AK7: variants seen among roughly 807,000 people sequenced by gnomAD.
AK7 encodes adenylate kinase 7.
AK7 carries 78 observed loss-of-function variants against 96.6 expected under a neutral mutation model. The ratio of observed to expected loss-of-function variants is 0.81; its 90% CI spans 0.67 to 0.97. The LOEUF (loss-of-function observed/expected upper bound fraction) is 0.97, where lower values mean the gene tolerates loss of function less well. Ranked by LOEUF, AK7 falls within the 50% of genes least tolerant of loss-of-function variation. The pLI is 0.00. For missense variants in AK7, 855 were observed against 887.9 expected (o/e 0.96, Z 0.47); for synonymous variants, 302 against 317.2 (o/e 0.95, Z 0.51).
intron 6 of AK7, among the ~76,000 whole-genome samples, chr14:96,441,821 T>C (rs1198447147): frequency 2.0e-5 from 3 of 152,004 alleles, no homozygotes; most frequent in African/African-American, 4.8e-5. Flanking sequence ...GCCTCCTCAA[T>C]GTCTCCCTTC....
chr14:96,403,078 T>C (rs966495840), intron 2 of AK7, among the ~76,000 whole-genome samples: 1 of 151,382 alleles, frequency 6.6e-6, no homozygotes, highest in Non-Finnish European at 1.5e-5. Flanking sequence ...ATTGTGCCAC[T>C]GCACTCCAGC....
At chr14:96,414,476 A>C (rs1366980341) in intron 4 of AK7, among the ~76,000 whole-genome samples, 1 of 152,236 alleles carries the variant, frequency 6.6e-6, no homozygotes, top group Non-Finnish European at 1.5e-5. Flanking sequence ...GAGAGACTTC[A>C]AGGAAGACAC....
chr14:96,395,337 A>G (rs1451707534), intron 1 of AK7, among the ~76,000 whole-genome samples: 3 of 152,244 alleles, frequency 2.0e-5, no homozygotes, highest in African/African-American at 4.8e-5. Flanking sequence ...TTTACTATTC[A>G]TTAAACAGAA....
At chr14:96,442,929 G>A (rs1160844630) in intron 7 of AK7, 111 bp downstream of exon 7, 9 of 970,610 alleles carry the variant, frequency 9.3e-6, no homozygotes, top group Admixed American at 2.0e-5. Context: ...ATGGATTATT[G>A]TGTTCATTCT....
At position 96,437,847 on chromosome 14, in the gene AK7, G is replaced by A; in HGVS notation, c.622G>A (p.Ala208Thr). ...TTTTATCTAATAGGCCAGAAAATTT[G>A]CAGCATACGTAGTTGCTGCTGGACT... ...LKFGKKARKF[A>T]AYVVAAGLQY... The change falls in exon 6 of 18, where the codon GCA (alanine) becomes ACA (threonine). Residue 208 changes from alanine to threonine, a missense_variant. Coordinates refer to ENST00000267584, the MANE Select transcript of AK7 (RefSeq NM_152327.5). 1 of 1,605,896 alleles carries A rather than the reference G, an allele frequency of 6.2e-7. No homozygotes were observed. Among genetic ancestry groups the A allele is most frequent in the African/African-American group, 1.3e-5 (1 of 74,594 alleles).
chr14:96,475,207 T>C (rs1895106627), intron 14 of AK7, among the ~76,000 whole-genome samples: 1 of 152,218 alleles, frequency 6.6e-6, no homozygotes, highest in Admixed American at 6.5e-5. Flanking sequence ...TCTATTTCTC[T>C]GAAAGAAAGT....
intron 16 of AK7, among the ~76,000 whole-genome samples, chr14:96,485,942 C>T (rs1324539516): frequency 6.6e-6 from 1 of 152,090 alleles, no homozygotes; most frequent in African/African-American, 2.4e-5. Context: ...ACTACAGGTG[C>T]CCGCCACCGC....
chr14:96,422,583 G>A (rs887987230), intron 5 of AK7, among the ~76,000 whole-genome samples: 7 of 152,214 alleles, frequency 4.6e-5, no homozygotes, highest in Non-Finnish European at 2.9e-5. Flanking sequence ...GCTTTTCTGG[G>A]ATAGGAATCT....
At chr14:96,409,401 G>T (rs1271842933) in intron 4 of AK7, among the ~76,000 whole-genome samples, 1 of 152,108 alleles carries the variant, frequency 6.6e-6, no homozygotes, top group African/African-American at 2.4e-5. Context: ...GCGAAACCCT[G>T]TCTCTACTAA....
chr14:96,487,383 C>CAAA (rs150742803), intron 17 of AK7, among the ~76,000 whole-genome samples: 4 of 46,752 alleles, frequency 8.6e-5, no homozygotes, highest in Admixed American at 3.0e-4. Flanking sequence ...GACTCCGTCT[C>CAAA]AAAAAAAAAA....
intron 5 of AK7, among the ~76,000 whole-genome samples, chr14:96,431,589 C>A (rs757532387): frequency 2.6e-5 from 4 of 152,094 alleles, no homozygotes; most frequent in Admixed American, 6.6e-5. Flanking sequence ...CTTAACCCTG[C>A]GTTTTCATTT....
At chr14:96,467,465 C>T (rs543793792) in intron 12 of AK7, among the ~76,000 whole-genome samples, 3 of 151,882 alleles carry the variant, frequency 2.0e-5, no homozygotes, top group South Asian at 2.1e-4. Flanking sequence ...CCTCCCGAGT[C>T]GCTGGGACTA....
chr14:96,468,650 G>C (rs912304793), intron 12 of AK7, among the ~76,000 whole-genome samples: 2 of 151,966 alleles, frequency 1.3e-5, no homozygotes, highest in Non-Finnish European at 2.9e-5. Flanking sequence ...CATCAGTTAA[G>C]ACAGTACAGT....
intron 5 of AK7, among the ~76,000 whole-genome samples, chr14:96,426,020 A>G (rs1381648775): frequency 6.6e-6 from 1 of 152,052 alleles, no homozygotes; most frequent in Admixed American, 6.5e-5. Flanking sequence ...CAATGTTATT[A>G]TTGGTAAGTA....
chr14:96,471,237 T>G (rs1894865222), intron 12 of AK7, among the ~76,000 whole-genome samples: 1 of 142,310 alleles, frequency 7.0e-6, no homozygotes, highest in African/African-American at 2.6e-5. Context: ...GAGGCTGAGG[T>G]GGGAAGATTG....
At chr14:96,428,206 A>G (rs1428325110) in intron 5 of AK7, among the ~76,000 whole-genome samples, 1 of 151,538 alleles carries the variant, frequency 6.6e-6, no homozygotes, top group African/African-American at 2.4e-5. Context: ...GAGTGAGAAC[A>G]TGTGGTGTTT....
rs1307172089 is a variant in AK7 at position 96,392,139 on chromosome 14, C to T, written c.-16C>T. 1 of 1,602,926 alleles carries T rather than the reference C, an allele frequency of 6.2e-7. No homozygotes were observed. The highest frequency in any genetic ancestry group is 1.3e-5 in the African/African-American group (1 of 74,632). ...CGAGTGGCGCTTTCACCTTAGCAACCAGCGCGGCTCCCACCATGGCTGAAG... is the reference window on the plus strand; with the variant it reads ...CGAGTGGCGCTTTCACCTTAGCAACTAGCGCGGCTCCCACCATGGCTGAAG... On this transcript the variant is annotated 5_prime_UTR_variant, in exon 1 of 18. Coordinates refer to ENST00000267584, the MANE Select transcript of AK7 (RefSeq NM_152327.5).
chr14:96,392,199 C>G lies in AK7; in HGVS notation c.45C>G (p.Ile15Met). ...CTGCTGCTCTCACGGAGAAGGTTAT[C>G]CGGACCCAGAGGGTGTTTATAAACC... The part of the protein sequence containing the change: ...EETAALTEKV[I>M]RTQRVFINLL... The change falls in exon 1 of 18, where the codon ATC becomes ATG. Residue 15 changes from isoleucine to methionine, a missense_variant. Ile to Met is a conservative substitution (Grantham distance 10, BLOSUM62 1). Coordinates refer to ENST00000267584, the MANE Select transcript of AK7 (RefSeq NM_152327.5). 2.5e-6 allele frequency: 4 copies of G among 1,613,806 alleles called. No homozygotes were observed. The highest frequency in any genetic ancestry group is 3.4e-6 in the Non-Finnish European group (4 of 1,179,720).
intron 4 of AK7, among the ~76,000 whole-genome samples, chr14:96,419,197 A>G (rs1168821375): frequency 1.3e-5 from 2 of 152,226 alleles, no homozygotes; most frequent in Non-Finnish European, 2.9e-5. Flanking sequence ...GACGTACTTA[A>G]TCTTAACCAG....
Sources: allele counts gnomAD v4.1 joint callset (sites outside exome capture counted in the v4.1 genomes callset), GRCh38; gene constraint gnomAD v4.1.1; transcripts MANE v1.5; gene names NCBI Gene and HGNC (gene_info 2026-07-23, HGNC 2026-07-21).